Variants in FABP5 observed in about 807,000 individuals in gnomAD.
FABP5 encodes fatty acid binding protein 5, also known as fatty acid-binding protein 5.
FABP5 carries 7 observed loss-of-function variants against 16.9 expected under a neutral mutation model. The ratio of observed to expected loss-of-function variants is 0.41; its 90% CI spans 0.24 to 0.78. The LOEUF (loss-of-function observed/expected upper bound fraction) is 0.78. Among genes scored for constraint, FABP5 ranks in the 30% least tolerant of loss-of-function variants. FABP5 has a pLI of 0.30. For synonymous variants in FABP5, 37 were observed against 52.8 expected, an observed-to-expected ratio of 0.70 and a Z score of 1.30; for missense variants, 119 against 159.5, an observed-to-expected ratio of 0.75 and a Z score of 1.37.
chr8:81,280,889 C>T, intron 1 of FABP5: 3 of 525,906 alleles, frequency 5.7e-6, no homozygotes, highest in Non-Finnish European at 1.0e-5. Flanking sequence ...GCCTCTTGCC[C>T]GCCCGCGGGC....
Position 81,281,536 on chromosome 8 carries a change from G to C in FABP5, c.79+862G>C, listed in dbSNP as rs1807831273. The C allele has an allele frequency of 1.0e-6, 1 of 985,652 alleles. No individual in the cohort carries two copies. The highest frequency in any genetic ancestry group is 6.1e-5 in the Admixed American group (1 of 16,278). The allele number at this position is 985,652 out of a possible 1,614,324, so 61.1% of individuals were successfully genotyped here. A position where few individuals can be genotyped will look rare whatever the true frequency, so the allele number is the denominator to read the frequency against. ...TCTGCCACTTGAGGGTGAGGAGGAA[G>C]GAGGCAGTGGGCTTTGCTGGAAAAC... On this transcript the variant is annotated intron_variant, in intron 1 of 3. Coordinates refer to ENST00000297258, the MANE Select transcript of FABP5 (RefSeq NM_001444.3). The surrounding 1 kb of genome is among the most constrained non-coding windows in gnomAD (Gnocchi z 4.5).
rs1563479829 is a variant in FABP5 at position 81,281,941 on chromosome 8, A to G, written c.79+1267A>G. On this transcript the variant is annotated intron_variant, in intron 1 of 3. Transcript: ENST00000297258. This position sits in a 1 kb window ranked among gnomAD's most constrained non-coding sequence, Gnocchi z 4.5. ...GTTAACCCGGTTGCTCGCTGGTGAAATAACTACCGTGACCCTCTATTGATA... is the reference window on the plus strand; with the variant it reads ...GTTAACCCGGTTGCTCGCTGGTGAAGTAACTACCGTGACCCTCTATTGATA... Among the ~76,000 whole-genome samples, 1 of 152,100 alleles carries G rather than the reference A, an allele frequency of 6.6e-6. No individual in the cohort carries two copies. Among genetic ancestry groups the G allele is most frequent in the Non-Finnish European group, 1.5e-5 (1 of 68,012 alleles).
chr8:81,284,718 G>A lies in FABP5; in HGVS notation c.*151G>A, dbSNP rs1807885217. On this transcript the variant is annotated 3_prime_UTR_variant, in exon 4 of 4. Coordinates refer to ENST00000297258, the MANE Select transcript of FABP5 (RefSeq NM_001444.3). ...ACATTTTACATGCAGCTATTTCAAA[G>A]TGTGTTGGATTAATTAGGATCATCC... 2 of 557,226 alleles carry A rather than the reference G, an allele frequency of 3.6e-6. No homozygotes were observed. The highest frequency in any genetic ancestry group is 6.4e-6 in the Non-Finnish European group (2 of 313,570). The allele number at this position is 557,226 out of a possible 1,614,324, so 34.5% of individuals were successfully genotyped here. A position where few individuals can be genotyped will look rare whatever the true frequency, so the allele number is the denominator to read the frequency against.
At chr8:81,280,785 C>A (rs942324721) in intron 1 of FABP5, 111 bp downstream of exon 1, 24 of 971,808 alleles carry the variant, frequency 2.5e-5, no homozygotes, top group Non-Finnish European at 3.8e-5. Flanking sequence ...CGGCGGCCTA[C>A]CCCCATCCCC....
In FABP5 at chr8:81,283,476, C is replaced by A; in HGVS notation, c.190C>A (p.Gln64Lys). ...AACTGAGAGCACTTTGAAAACAACACAGTTTTCTTGTACCCTGGGAGAGAA... is the reference window on the plus strand; with the variant it reads ...AACTGAGAGCACTTTGAAAACAACAAAGTTTTCTTGTACCCTGGGAGAGAA... ...IKTESTLKTTQFSCTLGEKFE... is the reference protein window; with the variant it reads ...IKTESTLKTTKFSCTLGEKFE... Residue 64 changes from glutamine to lysine, a missense_variant, in exon 2 of 4, where the codon CAG becomes AAG. Coordinates refer to ENST00000297258, the MANE Select transcript of FABP5 (RefSeq NM_001444.3). 1 of 1,613,124 alleles carries A rather than the reference C, an allele frequency of 6.2e-7. No homozygotes were observed. The highest frequency in any genetic ancestry group is 1.7e-4 in the Middle Eastern group (1 of 6,060).
chr8:81,280,818 C>A, intron 1 of FABP5, 144 bp downstream of exon 1: 1 of 734,124 alleles, frequency 1.4e-6, no homozygotes. Flanking sequence ...CACCACGCGG[C>A]CGTTGGGTGC....
Position 81,281,225 on chromosome 8 carries a change from C to T in FABP5, c.79+551C>T, listed in dbSNP as rs1320218416. 4 of 554,018 alleles carry T rather than the reference C, an allele frequency of 7.2e-6. No homozygotes were observed. Among genetic ancestry groups the T allele is most frequent in the African/African-American group, 6.1e-5 (3 of 48,958 alleles). The allele number at this position is 554,018 out of a possible 1,614,324, so 34.3% of individuals were successfully genotyped here. A position where few individuals can be genotyped will look rare whatever the true frequency, so the allele number is the denominator to read the frequency against. On this transcript the variant is annotated intron_variant, in intron 1 of 3. Transcript: ENST00000297258. This position sits in a 1 kb window ranked among gnomAD's most constrained non-coding sequence, Gnocchi z 4.5. ...TTTCTTCATGGGGACGCGGTGCTGGCGCGCAGTTTCCCGCAGAAATCCTGT... is the reference window on the plus strand; with the variant it reads ...TTTCTTCATGGGGACGCGGTGCTGGTGCGCAGTTTCCCGCAGAAATCCTGT...
At chr8:81,282,642 T>C (rs1467332138) in intron 1 of FABP5, among the ~76,000 whole-genome samples, 1 of 152,170 alleles carries the variant, frequency 6.6e-6, no homozygotes, top group African/African-American at 2.4e-5. Flanking sequence ...AAATATAATT[T>C]AATATGTTAT....
Position 81,283,506 on chromosome 8 carries a change from G to A in FABP5, c.220G>A (p.Glu74Lys), listed in dbSNP as rs1416337079. 3 of 1,611,948 alleles carry A rather than the reference G, an allele frequency of 1.9e-6. No homozygotes were observed. Among genetic ancestry groups the A allele is most frequent in the Non-Finnish European group, 2.5e-6 (3 of 1,179,534 alleles). The stretch of plus-strand genomic sequence containing the variant: ...TTCTTGTACCCTGGGAGAGAAGTTT[G>A]AAGAAACCACAGCTGATGGCAGAAA... Reference protein sequence around the residue: ...QFSCTLGEKFEETTADGRKTQ... With the variant: ...QFSCTLGEKFKETTADGRKTQ... The change falls in exon 2 of 4, where the codon GAA becomes AAA. Residue 74 changes from glutamate to lysine, a missense_variant. Physicochemically the swap from Glu to Lys is moderately conservative, Grantham distance 56. Coordinates refer to ENST00000297258, the MANE Select transcript of FABP5 (RefSeq NM_001444.3).
intron 1 of FABP5, chr8:81,282,885 AAAAAG>A (rs1190564059): frequency 6.6e-6 from 1 of 152,534 alleles, no homozygotes; most frequent in Non-Finnish European, 1.5e-5. Flanking sequence ...AGAATCTAGT[AAAAAG>A]AAAAAGATTG....
intron 3 of FABP5, 182 bp downstream of exon 3, chr8:81,284,156 C>T (rs533021087): frequency 3.8e-5 from 22 of 576,834 alleles, no homozygotes; most frequent in Non-Finnish European, 5.7e-5. Context: ...AGTGACATGA[C>T]ATAGGAGAGG....
At position 81,281,062 on chromosome 8, in the gene FABP5, C is replaced by T. The variant is rs189177255; in HGVS notation, c.79+388C>T. The T allele has an allele frequency of 5.3e-6, 1 of 187,856 alleles. No individual in the cohort carries two copies. The highest frequency in any genetic ancestry group is 1.2e-4 in the South Asian group (1 of 8,336). 11.6% of individuals were successfully genotyped at this position (187,856 alleles called of 1,614,324 possible). ...CCCCTCCAGGCGACCCTGTATTTCC[C>T]TTTTTTCCCCCTTTACTCATCCTTC... On this transcript the variant is annotated intron_variant, in intron 1 of 3. Transcript: ENST00000297258. This position sits in a 1 kb window ranked among gnomAD's most constrained non-coding sequence, Gnocchi z 4.5.
Position 81,283,086 on chromosome 8 carries a change from T to C in FABP5, c.80-280T>C, listed in dbSNP as rs1807858957. The stretch of plus-strand genomic sequence containing the variant: ...CTTGGTTCCCAGCTCCATCACTTTC[T>C]AGTTGAATGATCTTGGGCAAGTTAC... On this transcript the variant is annotated intron_variant, in intron 1 of 3. Transcript: ENST00000297258. 3 of 260,392 alleles carry C rather than the reference T, an allele frequency of 1.2e-5. No homozygotes were observed. In the South Asian group the frequency reaches 4.7e-4, roughly 41 times the overall value. The allele number at this position is 260,392 out of a possible 1,614,324, so 16.1% of individuals were successfully genotyped here.
At position 81,280,557 on chromosome 8, in the gene FABP5, G is replaced by A; in HGVS notation, c.-39G>A. The A allele has an allele frequency of 6.5e-7, 1 of 1,543,080 alleles. No individual in the cohort carries two copies. Among genetic ancestry groups the A allele is most frequent in the Non-Finnish European group, 8.8e-7 (1 of 1,142,794 alleles). On this transcript the variant is annotated 5_prime_UTR_variant, in exon 1 of 4. Coordinates refer to ENST00000297258, the MANE Select transcript of FABP5 (RefSeq NM_001444.3). Reference sequence around the variant, plus strand: ...CCTCACAGCACGCTGCCACGCCGACGCAGACCCCTCTCTGCACGCCAGCCC... The same window carrying A: ...CCTCACAGCACGCTGCCACGCCGACACAGACCCCTCTCTGCACGCCAGCCC...
At chr8:81,282,544 C>G (rs1807847646) in intron 1 of FABP5, among the ~76,000 whole-genome samples, 1 of 152,008 alleles carries the variant, frequency 6.6e-6, no homozygotes, top group African/African-American at 2.4e-5. Context: ...TCTAAGATTC[C>G]TTATACATGT....
intron 1 of FABP5, among the ~76,000 whole-genome samples, chr8:81,282,715 C>T (rs1316106997): frequency 6.6e-6 from 1 of 151,052 alleles, no homozygotes; most frequent in East Asian, 1.9e-4. Flanking sequence ...GATTTTTTTT[C>T]CCATTTGTTA....
chr8:81,280,803 T>G, intron 1 of FABP5, 129 bp downstream of exon 1: 24 of 775,074 alleles, frequency 3.1e-5, no homozygotes, highest in Non-Finnish European at 4.0e-5. Context: ...CCCTCCCATC[T>G]TCCCCACCAC....
Position 81,281,536 on chromosome 8 carries a change from G to A in FABP5, c.79+862G>A. 2 of 985,770 alleles carry A rather than the reference G, an allele frequency of 2.0e-6. No homozygotes were observed. Among genetic ancestry groups the A allele is most frequent in the Non-Finnish European group, 2.4e-6 (2 of 830,182 alleles). The allele number at this position is 985,770 out of a possible 1,614,324, so 61.1% of individuals were successfully genotyped here. A position where few individuals can be genotyped will look rare whatever the true frequency, so the allele number is the denominator to read the frequency against. The stretch of plus-strand genomic sequence containing the variant: ...TCTGCCACTTGAGGGTGAGGAGGAA[G>A]GAGGCAGTGGGCTTTGCTGGAAAAC... On this transcript the variant is annotated intron_variant, in intron 1 of 3. Transcript: ENST00000297258. The surrounding 1 kb of genome is among the most constrained non-coding windows in gnomAD (Gnocchi z 4.5).
chr8:81,283,362 A>G lies in FABP5; in HGVS notation c.80-4A>G. On this transcript the variant is annotated splice_polypyrimidine_tract_variant and splice_region_variant and intron_variant, in intron 1 of 3. Transcript: ENST00000297258. ...GTTATTTAACATGACTTAACATTCT[A>G]CAGGAGTGGGAATAGCTTTGCGAAA... 1.3e-6 allele frequency: 2 copies of G among 1,589,298 alleles called. No individual in the cohort carries two copies. The highest frequency in any genetic ancestry group is 8.6e-7 in the Non-Finnish European group (1 of 1,169,420).
Sources: gnomAD v4.1 joint callset for allele counts (sites outside exome capture counted in the v4.1 genomes callset) on GRCh38, gnomAD v4.1.1 for gene constraint, Gnocchi (gnomAD v3.1) non-coding constraint, MANE v1.5 for transcripts, NCBI Gene and HGNC (gene_info 2026-07-23, HGNC 2026-07-21) for gene names.